STAG1: variants seen among roughly 807,000 people sequenced by gnomAD.
The protein encoded by STAG1 is cohesin subunit SA-1.
In STAG1, 26 loss-of-function variants were observed where a neutral mutation model predicts 170.9. The observed-to-expected ratio is 0.15, with a 90% confidence interval of 0.11 to 0.21. The LOEUF is 0.21. Among genes scored for constraint, STAG1 ranks in the 10% least tolerant of loss-of-function variants. STAG1 has a pLI of 1.00. For missense variants in STAG1, 964 were observed against 1,509.5 expected (o/e 0.64, Z 5.99); for synonymous variants, 514 against 497.7 (o/e 1.03, Z -0.44).
chr3:136,624,035 T>C (rs917215742), intron 2 of STAG1, among the ~76,000 whole-genome samples: 13 of 152,160 alleles, frequency 8.5e-5, no homozygotes, highest in African/African-American at 3.1e-4. Context: ...CACTCTTTAT[T>C]GTAAATTCCA....
intron 11 of STAG1, 98 bp downstream of exon 11, chr3:136,473,441 G>A (rs2089673126): frequency 2.2e-6 from 2 of 893,630 alleles, no homozygotes; most frequent in Non-Finnish European, 3.4e-6. Flanking sequence ...TAAAGAATAT[G>A]AACTAAACAC....
chr3:136,495,600 A>C (rs1270139570), intron 9 of STAG1, among the ~76,000 whole-genome samples: 4 of 152,146 alleles, frequency 2.6e-5, no homozygotes, highest in African/African-American at 9.7e-5. Flanking sequence ...TGGGAGGCCA[A>C]GGTGGGTGGA....
chr3:136,402,605 T>G (rs916268730), intron 21 of STAG1, among the ~76,000 whole-genome samples: 3 of 151,038 alleles, frequency 2.0e-5, no homozygotes, highest in African/African-American at 4.9e-5. Flanking sequence ...CCGAGGCGGG[T>G]GGATCACCTG....
In STAG1 at chr3:136,639,024, G is replaced by A. The variant is rs948011139; in HGVS notation, c.-83-8043C>T. 3.3e-5 allele frequency among the ~76,000 whole-genome samples: 5 copies of A among 151,888 alleles called. No homozygotes were observed. The East Asian group carries it at 9.6e-4, about 29-fold the overall frequency. On this transcript the variant is annotated intron_variant, in intron 1 of 33. Transcript: ENST00000383202. ...AAATGAACCTCAAGACAATTAACTT[G>A]CCTTATCCTAAATCACCCTGCACTA...
intron 1 of STAG1, among the ~76,000 whole-genome samples, chr3:136,746,447 A>G (rs1934938893): frequency 6.6e-6 from 1 of 152,136 alleles, no homozygotes; most frequent in South Asian, 2.1e-4. Context: ...AAAAAAACTC[A>G]CAATGTTTTA....
chr3:136,730,105 T>G (rs1211729715), intron 1 of STAG1, among the ~76,000 whole-genome samples: 1 of 151,952 alleles, frequency 6.6e-6, no homozygotes, highest in Non-Finnish European at 1.5e-5. Flanking sequence ...CCTCTGTCAC[T>G]GCAACCTCAA....
At chr3:136,657,958 C>T (rs1157288762) in intron 1 of STAG1, among the ~76,000 whole-genome samples, 1 of 152,184 alleles carries the variant, frequency 6.6e-6, no homozygotes, top group African/African-American at 2.4e-5. Context: ...AAAGGGAACA[C>T]TATTAAGAAT....
chr3:136,557,527 T>G (rs1306522944), intron 5 of STAG1, among the ~76,000 whole-genome samples: 2 of 152,130 alleles, frequency 1.3e-5, no homozygotes, highest in African/African-American at 2.4e-5. Context: ...TGTAAATAAT[T>G]TTTTAATTTT....
intron 1 of STAG1, among the ~76,000 whole-genome samples, chr3:136,678,113 T>C (rs1024751340): frequency 4.0e-5 from 6 of 150,774 alleles, no homozygotes; most frequent in Non-Finnish European, 7.4e-5. Context: ...GAAGTATCAA[T>C]TGCCCCCATA....
At chr3:136,505,175 TA>T (rs1228490968) in intron 7 of STAG1, among the ~76,000 whole-genome samples, 1 of 152,174 alleles carries the variant, frequency 6.6e-6, no homozygotes, top group Non-Finnish European at 1.5e-5. Context: ...CTGGTATTAC[TA>T]AAAAAACCTT....
intron 16 of STAG1, among the ~76,000 whole-genome samples, chr3:136,432,524 G>GA (rs1559798096): frequency 7.0e-6 from 1 of 142,938 alleles, no homozygotes; most frequent in Admixed American, 7.0e-5. Context: ...TGGGGGGGGG[G>GA]GGGCACAGAG....
chr3:136,578,302 T>C (rs957411296), intron 4 of STAG1, among the ~76,000 whole-genome samples: 2 of 152,142 alleles, frequency 1.3e-5, no homozygotes, highest in African/African-American at 4.8e-5. Context: ...GACACACTGG[T>C]ATTCACAACG....
intron 6 of STAG1, among the ~76,000 whole-genome samples, chr3:136,523,441 A>T (rs1934802354): frequency 6.6e-6 from 1 of 151,792 alleles, no homozygotes; most frequent in Non-Finnish European, 1.5e-5. Flanking sequence ...AATTTGTTTG[A>T]ATTCTTTGTA....
At chr3:136,584,660 A>G (rs1306503661) in intron 4 of STAG1, among the ~76,000 whole-genome samples, 8 of 152,192 alleles carry the variant, frequency 5.3e-5, no homozygotes, top group Admixed American at 1.3e-4. Flanking sequence ...TCAATCCACA[A>G]TTTCTACTTC....
chr3:136,661,001 G>T (rs765926565), intron 1 of STAG1, among the ~76,000 whole-genome samples: 10 of 151,994 alleles, frequency 6.6e-5, no homozygotes, highest in Non-Finnish European at 1.3e-4. Context: ...AAAACCTGGG[G>T]ACTACTGTTA....
At chr3:136,453,762 A>G (rs1353858575) in intron 13 of STAG1, among the ~76,000 whole-genome samples, 1 of 152,030 alleles carries the variant, frequency 6.6e-6, no homozygotes, top group African/African-American at 2.4e-5. Context: ...AGTAAAAAAA[A>G]AAAACGGTAT....
intron 1 of STAG1, among the ~76,000 whole-genome samples, chr3:136,636,601 G>A (rs1940570264): frequency 6.6e-6 from 1 of 152,114 alleles, no homozygotes; most frequent in African/African-American, 2.4e-5. Context: ...AAAGCAAAAT[G>A]ACATGTAACA....
chr3:136,379,567 C>T (rs561925700), intron 22 of STAG1, among the ~76,000 whole-genome samples: 4 of 152,020 alleles, frequency 2.6e-5, no homozygotes, highest in South Asian at 2.1e-4. Context: ...AAATTAGCCG[C>T]GTGTGGTGGT....
intron 16 of STAG1, among the ~76,000 whole-genome samples, chr3:136,426,494 C>A (rs1255363390): frequency 6.6e-6 from 1 of 152,134 alleles, no homozygotes; most frequent in Non-Finnish European, 1.5e-5. Flanking sequence ...TTAGACTCAT[C>A]ATGATGTATA....
Sources: allele counts gnomAD v4.1 joint callset (sites outside exome capture counted in the v4.1 genomes callset), GRCh38; gene constraint gnomAD v4.1.1; transcripts MANE v1.5; gene names NCBI Gene and HGNC (gene_info 2026-07-23, HGNC 2026-07-21).